CALD1: variants seen among roughly 807,000 people sequenced by gnomAD.
The protein encoded by CALD1 is caldesmon 1.
Under a neutral mutation model 99.9 loss-of-function variants are expected in CALD1, and 33 were observed. The ratio of observed to expected loss-of-function variants is 0.33; its 90% CI spans 0.25 to 0.44. CALD1 has a LOEUF of 0.44. Ranked by LOEUF, CALD1 falls within the 20% of genes least tolerant of loss-of-function variation. The pLI is 1.00. For synonymous variants in CALD1, 310 were observed against 325.0 expected (o/e 0.95, Z 0.50); for missense variants, 861 against 962.1 (o/e 0.89, Z 1.39).
chr7:134,811,156 G>C (rs1798340809), intron 1 of CALD1, among the ~76,000 whole-genome samples: 1 of 152,162 alleles, frequency 6.6e-6, no homozygotes, highest in South Asian at 2.1e-4. Flanking sequence ...ATTGATCCTT[G>C]TATATCCTGC....
chr7:134,792,324 T>C (rs1797571448), intron 1 of CALD1, among the ~76,000 whole-genome samples: 1 of 150,390 alleles, frequency 6.6e-6, no homozygotes, highest in Non-Finnish European at 1.5e-5. Flanking sequence ...AGTTTCGCTC[T>C]TATTGCCCAG....
intron 2 of CALD1, among the ~76,000 whole-genome samples, chr7:134,858,580 CTTTTT>C (rs887980138): frequency 2.0e-5 from 3 of 149,154 alleles, no homozygotes; most frequent in Admixed American, 6.7e-5. Context: ...TGAAAGATCT[CTTTTT>C]TTTTTGAGAC....
chr7:134,861,662 T>C lies in CALD1; in HGVS notation c.-41-6031T>C, dbSNP rs548519210. On this transcript the variant is annotated intron_variant, in intron 2 of 14. Transcript: ENST00000361675. ...TGTTATACCCCAGTGTCGAGAACAG[T>C]ACCTGGCACATAGTAGCTGTGCGGT... Among the ~76,000 whole-genome samples, 61 of 152,388 alleles carry C rather than the reference T, an allele frequency of 4.0e-4. 1 individual carries two copies. The South Asian group carries it at 0.012, about 31-fold the overall frequency.
Position 134,766,776 on chromosome 7 carries a change from G to A in CALD1, c.-130+22413G>A, listed in dbSNP as rs188206221. On this transcript the variant is annotated intron_variant, in intron 1 of 13. Coordinates refer to the CALD1 transcript ENST00000417172. ...ATAGGACGATAGGCTAGACACTGGC[G>A]TCAGGAGCCACCAAAGACGAAGAGA... 9.4e-3 allele frequency among the ~76,000 whole-genome samples: 1,428 copies of A among 152,216 alleles called. 76 individuals carry two copies. Among genetic ancestry groups the A allele is most frequent in the Admixed American group, 0.087 (1,331 of 15,284 alleles).
intron 1 of CALD1, among the ~76,000 whole-genome samples, chr7:134,750,963 G>A (rs1314384951): frequency 2.0e-5 from 3 of 151,948 alleles, no homozygotes. Context: ...TGGGAATATG[G>A]CATGCTTCTC....
intron 1 of CALD1, among the ~76,000 whole-genome samples, chr7:134,766,141 CTTTTTTTTTTTTTTTTTT>C (rs71172475): frequency 9.7e-4 from 69 of 70,816 alleles, no homozygotes; most frequent in African/African-American, 3.7e-3. Context: ...CTTTTCTTTT[CTTTTTTTTTTTTTTTTTT>C]TTTTTTTTTT....
rs1405957709 is a variant in CALD1 at position 134,746,168 on chromosome 7, C to T, written c.-130+1805C>T. On this transcript the variant is annotated intron_variant, in intron 1 of 13. Transcript: ENST00000417172. ...CAAAATTCATATGTTGAAATCCTAA[C>T]TCCAAGATGATAATATTAGAAGATG... Among the ~76,000 whole-genome samples the T allele has an allele frequency of 2.6e-5, 4 of 152,194 alleles. No individual in the cohort carries two copies. The East Asian group carries it at 7.7e-4, about 29-fold the overall frequency.
chr7:134,758,501 G>GTGTGTGTGTGT (rs1796748464), intron 1 of CALD1, among the ~76,000 whole-genome samples: 48 of 145,218 alleles, frequency 3.3e-4, no homozygotes, highest in African/African-American at 1.2e-3. Flanking sequence ...CTCCCATTGG[G>GTGTGTGTGTGT]GTGTGTGTGT....
At chr7:134,834,749 A>G (rs1799365539) in intron 1 of CALD1, among the ~76,000 whole-genome samples, 1 of 152,178 alleles carries the variant, frequency 6.6e-6, no homozygotes, top group Non-Finnish European at 1.5e-5. Flanking sequence ...GGCTGATCTG[A>G]TTGATGATAG....
chr7:134,871,024 C>T lies in CALD1; in HGVS notation c.71+3220C>T, dbSNP rs531727481. 7.2e-5 allele frequency among the ~76,000 whole-genome samples: 11 copies of T among 152,270 alleles called. No individual in the cohort carries two copies. In the East Asian group the frequency reaches 2.1e-3, roughly 29 times the overall value. ...GGCCATCTAAAATCATGGTTTTGAT[C>T]TGAAGACAAAGAGCACATGAGACCC... On this transcript the variant is annotated intron_variant, in intron 3 of 14. Coordinates refer to ENST00000361675, the MANE Select transcript of CALD1 (RefSeq NM_033138.4).
At chr7:134,896,599 C>T (rs1802591930) in intron 3 of CALD1, among the ~76,000 whole-genome samples, 1 of 152,232 alleles carries the variant, frequency 6.6e-6, no homozygotes, top group South Asian at 2.1e-4. Context: ...CCAGCCCACC[C>T]ACACTCACAC....
intron 8 of CALD1, 76 bp downstream of exon 8, chr7:134,947,845 T>C (rs1182468408): frequency 9.2e-6 from 14 of 1,514,326 alleles, no homozygotes; most frequent in African/African-American, 1.4e-5. Context: ...CTTTTGAGCA[T>C]GGGCTCTCAA....
At chr7:134,935,961 A>T (rs148793269) in intron 6 of CALD1, among the ~76,000 whole-genome samples, 196 bp downstream of exon 6, 348 of 152,308 alleles carry the variant, frequency 2.3e-3, no homozygotes, top group African/African-American at 7.7e-3. Flanking sequence ...AGCATTTTTT[A>T]AAAAATGAAA....
At chr7:134,786,194 A>G (rs1426515485) in intron 1 of CALD1, among the ~76,000 whole-genome samples, 1 of 152,244 alleles carries the variant, frequency 6.6e-6, no homozygotes, top group African/African-American at 2.4e-5. Context: ...AGGTAAACAA[A>G]TCTGTATATG....
At chr7:134,959,843 ACT>A in intron 11 of CALD1, 129 bp from the exon 12 acceptor site, 1 of 839,282 alleles carries the variant, frequency 1.2e-6, no homozygotes, top group Non-Finnish European at 1.9e-6. Context: ...AGAAATTATC[ACT>A]CTCATTTTTG....
At chr7:134,918,512 T>C (rs1804379921) in intron 3 of CALD1, among the ~76,000 whole-genome samples, 1 of 152,214 alleles carries the variant, frequency 6.6e-6, no homozygotes. Flanking sequence ...ATGCATACCA[T>C]GCTGGTAATA....
rs140761527 is a variant in CALD1, at chr7:134,860,743, T to C, written c.-41-6950T>C. ...AAGAGAACAATTGATGAGCTGTAGC[T>C]GACAGTGTGTTATTGATTATCAACA... is the stretch of plus-strand genomic sequence containing the variant. On this transcript the variant is annotated intron_variant, in intron 2 of 14. Transcript: ENST00000361675. Among the ~76,000 whole-genome samples the C allele has an allele frequency of 2.2e-3, 335 of 152,336 alleles. 2 individuals are homozygous for C. Among genetic ancestry groups the C allele is most frequent in the African/African-American group, 7.5e-3 (313 of 41,582 alleles).
At chr7:134,953,205 G>A (rs1807492183) in intron 9 of CALD1, among the ~76,000 whole-genome samples, 1 of 152,006 alleles carries the variant, frequency 6.6e-6, no homozygotes, top group Admixed American at 6.5e-5. Flanking sequence ...AAGGCCAGGT[G>A]CGGTGGCTCA....
chr7:134,954,963 C>T (rs1057513669), intron 9 of CALD1, among the ~76,000 whole-genome samples: 1 of 152,202 alleles, frequency 6.6e-6, no homozygotes, highest in Non-Finnish European at 1.5e-5. Flanking sequence ...AAAGCCTTCT[C>T]CACCTCCCCC....
Sources: gnomAD v4.1 joint callset for allele counts (sites outside exome capture counted in the v4.1 genomes callset) on GRCh38, gnomAD v4.1.1 for gene constraint, MANE v1.5 for transcripts, NCBI Gene and HGNC (gene_info 2026-07-23, HGNC 2026-07-21) for gene names.